GPBP1: variants seen among roughly 807,000 people sequenced by gnomAD.
GPBP1 encodes GC-rich promoter binding protein 1.
In GPBP1, 13 loss-of-function variants were observed where a neutral mutation model predicts 56.5. The observed-to-expected ratio is 0.23, with a 90% CI of 0.15 to 0.37. The LOEUF is 0.37. GPBP1 is among the 10% of genes least tolerant of loss of function. The pLI, the probability that GPBP1 is intolerant of heterozygous loss-of-function variation, is 1.00. For synonymous variants in GPBP1, 204 were observed against 188.9 expected (o/e 1.08, Z -0.66); for missense variants, 477 against 572.3 (o/e 0.83, Z 1.70).
intron 2 of GPBP1, among the ~76,000 whole-genome samples, chr5:57,192,104 C>A (rs1260063907): frequency 1.3e-5 from 2 of 152,134 alleles, no homozygotes; most frequent in African/African-American, 4.8e-5. Context: ...TACTGAAGCT[C>A]TTAGAAGGAT....
intron 10 of GPBP1, among the ~76,000 whole-genome samples, chr5:57,259,265 T>A (rs1014280322): frequency 6.6e-6 from 1 of 152,206 alleles, no homozygotes; most frequent in Non-Finnish European, 1.5e-5. Flanking sequence ...TATATGATCT[T>A]GATTGTTCAT....
chr5:57,183,916 C>T (rs532963369), intron 2 of GPBP1, among the ~76,000 whole-genome samples: 1 of 152,078 alleles, frequency 6.6e-6, no homozygotes, highest in Non-Finnish European at 1.5e-5. Context: ...GCTGGGACCA[C>T]AGGTGAGTGC....
intron 3 of GPBP1, among the ~76,000 whole-genome samples, chr5:57,228,401 G>A (rs920824649): frequency 1.3e-5 from 2 of 151,970 alleles, no homozygotes; most frequent in African/African-American, 4.8e-5. Flanking sequence ...GTTGCAGTGA[G>A]CTGAGATTGC....
chr5:57,177,648 C>CTTTTTTTTTTTTTTTT (rs58708281), intron 2 of GPBP1, among the ~76,000 whole-genome samples: 2 of 92,238 alleles, frequency 2.2e-5, no homozygotes, highest in African/African-American at 4.7e-5. Context: ...CAATTTTTGC[C>CTTTTTTTTTTTTTTTT]TTTTTTTTTT....
At chr5:57,218,202 G>C (rs185103866) in intron 3 of GPBP1, among the ~76,000 whole-genome samples, 1 of 152,002 alleles carries the variant, frequency 6.6e-6, no homozygotes, top group African/African-American at 2.4e-5. Context: ...ATTCATTTCA[G>C]TTCTGACACT....
At chr5:57,244,727 A>ATTTTTTTTTTT (rs532660984) in intron 6 of GPBP1, among the ~76,000 whole-genome samples, 2 of 93,166 alleles carry the variant, frequency 2.1e-5, no homozygotes, top group East Asian at 3.4e-4. Flanking sequence ...TTTGTTTGAG[A>ATTTTTTTTTTT]TTTTTTTTTT....
At chr5:57,221,078 A>G (rs887467524) in intron 3 of GPBP1, among the ~76,000 whole-genome samples, 1 of 152,194 alleles carries the variant, frequency 6.6e-6, no homozygotes, top group Non-Finnish European at 1.5e-5. Context: ...AAGGGTAAAA[A>G]TGTTTTCAGA....
At chr5:57,208,655 CT>C (rs70999065) in intron 2 of GPBP1, among the ~76,000 whole-genome samples, 39,260 of 118,854 alleles carry the variant, frequency 0.33, 4,294 homozygotes, top group African/African-American at 0.39. Flanking sequence ...TTTTGTTTTT[CT>C]TTTTTTTTTT....
chr5:57,244,150 C>T (rs1740973150), intron 6 of GPBP1, among the ~76,000 whole-genome samples: 1 of 152,248 alleles, frequency 6.6e-6, no homozygotes, highest in African/African-American at 2.4e-5. Context: ...GCATTTCTGC[C>T]TTCTACCATA....
chr5:57,249,722 C>T (rs550694408), intron 9 of GPBP1, 146 bp downstream of exon 9: 80 of 541,116 alleles, frequency 1.5e-4, no homozygotes, highest in Admixed American at 1.3e-3. Context: ...CTTGGCTTCT[C>T]CCCTCCTCTC....
chr5:57,222,018 A>G (rs547041566), intron 3 of GPBP1, among the ~76,000 whole-genome samples: 1 of 151,920 alleles, frequency 6.6e-6, no homozygotes, highest in South Asian at 2.1e-4. Context: ...TTTTTTTTTC[A>G]ACTTTAGTTT....
chr5:57,249,234 G>A, intron 8 of GPBP1, 175 bp from the exon 9 acceptor site: 1 of 468,458 alleles, frequency 2.1e-6, no homozygotes, highest in Non-Finnish European at 3.8e-6. Flanking sequence ...AAATTATTTT[G>A]TTGACTCATT....
chr5:57,196,000 AAAAAAAT>A (rs1334355424), intron 2 of GPBP1, among the ~76,000 whole-genome samples: 33 of 149,950 alleles, frequency 2.2e-4, no homozygotes, highest in Non-Finnish European at 3.8e-4. Flanking sequence ...AAAAAAAAAA[AAAAAAAT>A]TTTTTTTTTT....
chr5:57,264,320 G>A lies in GPBP1; in HGVS notation c.*1568G>A, dbSNP rs1193667585. ...AATGTAGTTAGAATTAGCCACAGGA[G>A]AATGTAAAGCATGCTTTGACGAAGC... On this transcript the variant is annotated 3_prime_UTR_variant, in exon 12 of 12. Coordinates refer to ENST00000506184, the MANE Select transcript of GPBP1 (RefSeq NM_022913.4). 1.3e-5 allele frequency: 2 copies of A among 152,168 alleles called. No homozygotes were observed. The allele number at this position is 152,168 out of a possible 1,614,324, so 9.4% of individuals were successfully genotyped here. A position where few individuals can be genotyped will look rare whatever the true frequency, so the allele number is the denominator to read the frequency against.
rs1347601651 is a variant in GPBP1 at position 57,228,469 on chromosome 5, T to C, written c.64-2377T>C. Among the ~76,000 whole-genome samples, 3 of 146,912 alleles carry C rather than the reference T, an allele frequency of 2.0e-5. No individual in the cohort carries two copies. The East Asian group carries it at 5.9e-4, about 29-fold the overall frequency. On this transcript the variant is annotated intron_variant, in intron 3 of 11. Coordinates refer to ENST00000506184, the MANE Select transcript of GPBP1 (RefSeq NM_022913.4). ...GACTCTGTCTCAAAAAAAAAAAAAG[T>C]CTGCATCTATATCTGTATCTCAAAG... is the stretch of plus-strand genomic sequence containing the variant.
At chr5:57,183,648 C>G (rs1384710042) in intron 2 of GPBP1, among the ~76,000 whole-genome samples, 1 of 150,962 alleles carries the variant, frequency 6.6e-6, no homozygotes, top group Non-Finnish European at 1.5e-5. Flanking sequence ...CCCCCCATCT[C>G]AAAAAAAGAA....
chr5:57,213,720 T>C (rs1364749618), intron 2 of GPBP1, among the ~76,000 whole-genome samples: 1 of 152,210 alleles, frequency 6.6e-6, no homozygotes, highest in Non-Finnish European at 1.5e-5. Flanking sequence ...TTGGGTTATA[T>C]CAGGAAACAT....
chr5:57,207,457 G>T (rs1281478072), intron 2 of GPBP1, among the ~76,000 whole-genome samples: 1 of 152,120 alleles, frequency 6.6e-6, no homozygotes, highest in Non-Finnish European at 1.5e-5. Flanking sequence ...TGCAGACAGG[G>T]CAGGCTGTGG....
chr5:57,248,288 AT>A (rs1335304291), intron 8 of GPBP1, among the ~76,000 whole-genome samples: 1 of 152,100 alleles, frequency 6.6e-6, no homozygotes, highest in East Asian at 1.9e-4. Context: ...TTTCTTTCTC[AT>A]TTGATCAAGG....
Sources: allele counts gnomAD v4.1 joint callset (sites outside exome capture counted in the v4.1 genomes callset), GRCh38; gene constraint gnomAD v4.1.1; transcripts MANE v1.5; gene names NCBI Gene and HGNC (gene_info 2026-07-23, HGNC 2026-07-21).